Variants in CALN1 observed in about 807,000 individuals in gnomAD.
CALN1 encodes calneuron 1.
Under a neutral mutation model 30.6 loss-of-function variants are expected in CALN1, and 17 were observed. The observed-to-expected ratio is 0.56, with a 90% CI of 0.38 to 0.83. The LOEUF is 0.83. Among genes scored for constraint, CALN1 ranks in the 40% least tolerant of loss-of-function variants. CALN1 has a pLI of 0.00. For synonymous variants in CALN1, 156 were observed against 131.4 expected, an observed-to-expected ratio of 1.19 and a Z score of -1.28; for missense variants, 291 against 354.9, an observed-to-expected ratio of 0.82 and a Z score of 1.45.
At chr7:72,325,675 G>GT (rs1159581834) in intron 2 of CALN1, among the ~76,000 whole-genome samples, 1 of 152,152 alleles carries the variant, frequency 6.6e-6, no homozygotes, top group African/African-American at 2.4e-5. Context: ...CAGGAACCAA[G>GT]TCAGTTAGTT....
At chr7:71,975,853 A>AT (rs935933879) in intron 5 of CALN1, among the ~76,000 whole-genome samples, 14 of 150,824 alleles carry the variant, frequency 9.3e-5, no homozygotes, top group African/African-American at 2.9e-4. Flanking sequence ...TCCTCTTTTC[A>AT]TGATACCAGT....
At chr7:71,981,093 C>A (rs969370254) in intron 5 of CALN1, among the ~76,000 whole-genome samples, 1 of 152,192 alleles carries the variant, frequency 6.6e-6, no homozygotes, top group African/African-American at 2.4e-5. Flanking sequence ...GGGAATCATT[C>A]ACCGCAGTGC....
At chr7:72,130,470 G>A (rs1809063739) in intron 3 of CALN1, among the ~76,000 whole-genome samples, 1 of 152,164 alleles carries the variant, frequency 6.6e-6, no homozygotes, top group Admixed American at 6.5e-5. Context: ...ATAGTGGGGA[G>A]CGTAGCTGCC....
At chr7:71,931,045 A>T (rs928294098) in intron 5 of CALN1, among the ~76,000 whole-genome samples, 1 of 152,304 alleles carries the variant, frequency 6.6e-6, no homozygotes, top group East Asian at 1.9e-4. Context: ...AATCAAGGAA[A>T]CTGTGGAGGT....
chr7:71,983,170 C>T (rs1017047), intron 5 of CALN1, among the ~76,000 whole-genome samples: 12,649 of 152,160 alleles, frequency 0.083, 1,413 homozygotes, highest in East Asian at 0.33. Context: ...CCTTCTCTCT[C>T]GAGAAGAGCA....
intron 5 of CALN1, among the ~76,000 whole-genome samples, chr7:71,935,973 G>T (rs1384840829): frequency 2.0e-5 from 3 of 152,130 alleles, no homozygotes; most frequent in Non-Finnish European, 4.4e-5. Context: ...GTGTTGACCT[G>T]TCAGTGTAGT....
intron 1 of CALN1, among the ~76,000 whole-genome samples, chr7:72,427,508 G>C (rs556813377): frequency 3.3e-3 from 499 of 152,214 alleles, no homozygotes; most frequent in Non-Finnish European, 4.9e-3. Flanking sequence ...TAGGATGAAG[G>C]GGACCTGATT....
In CALN1 at chr7:71,864,588, C is replaced by T. The variant is rs149266866; in HGVS notation, c.502-54096G>A. 9.8e-5 allele frequency among the ~76,000 whole-genome samples: 15 copies of T among 152,292 alleles called. No homozygotes were observed. The East Asian group carries it at 2.9e-3, about 29-fold the overall frequency. ...TAGCTAACACCTTGACTGCAGCCTT[C>T]AAATAGCTTCCCAGGCAGAGGACCC... On this transcript the variant is annotated intron_variant, in intron 5 of 6. Transcript: ENST00000395275.
At chr7:71,795,877 G>A (rs1449884917) in intron 6 of CALN1, among the ~76,000 whole-genome samples, 1 of 142,434 alleles carries the variant, frequency 7.0e-6, no homozygotes, top group Non-Finnish European at 1.5e-5. Context: ...GGAGTGCAGC[G>A]GCACCATCTC....
At position 72,263,462 on chromosome 7, in the gene CALN1, C is replaced by T. The variant is rs188454894; in HGVS notation, c.244+15224G>A. Among the ~76,000 whole-genome samples, 4 of 152,226 alleles carry T rather than the reference C, an allele frequency of 2.6e-5. No individual in the cohort carries two copies. In the East Asian group the frequency reaches 5.8e-4, roughly 22 times the overall value. ...CCAAGCTGGAGTTCAATGACATGAT[C>T]GTGGCTCTCTGGAGCCTCAAATTCC... On this transcript the variant is annotated intron_variant, in intron 3 of 6. Coordinates refer to ENST00000395275, the MANE Select transcript of CALN1 (RefSeq NM_031468.4).
the CALN1 span, among the ~76,000 whole-genome samples, chr7:72,458,191 A>G: frequency 1.2e-5 from 1 of 82,286 alleles, no homozygotes; most frequent in Non-Finnish European, 2.5e-5. Context: ...TATTTAATAT[A>G]TTATAATATA....
intron 4 of CALN1, among the ~76,000 whole-genome samples, chr7:72,099,424 T>C (rs151039948): frequency 2.0e-5 from 3 of 152,032 alleles, no homozygotes; most frequent in African/African-American, 7.2e-5. Context: ...GATTCCCAGT[T>C]ACAGAAGCGA....
At chr7:72,477,450 C>T in the CALN1 span, among the ~76,000 whole-genome samples, 1 of 152,030 alleles carries the variant, frequency 6.6e-6, no homozygotes, top group Non-Finnish European at 1.5e-5. Flanking sequence ...GTTTTTGAGA[C>T]TCTGTCACCC....
intron 3 of CALN1, among the ~76,000 whole-genome samples, chr7:72,191,371 G>A (rs576440557): frequency 2.0e-5 from 3 of 152,088 alleles, no homozygotes; most frequent in Admixed American, 1.3e-4. Context: ...GGAGGGCGAC[G>A]CAGGTGGATC....
At position 72,282,718 on chromosome 7, in the gene CALN1, G is replaced by A. The variant is rs553395849; in HGVS notation, c.120-3908C>T. Among the ~76,000 whole-genome samples the A allele has an allele frequency of 3.9e-4, 60 of 152,260 alleles. No homozygotes were observed. In the South Asian group the frequency reaches 0.012, roughly 31 times the overall value. On this transcript the variant is annotated intron_variant, in intron 2 of 6. Transcript: ENST00000395275. ...GTTGTTTATAAATTAGCTAGTCTAA[G>A]GTATTTGTTACAGCAGTAGAAACTA...
chr7:71,990,248 C>T (rs1798878211), intron 5 of CALN1, among the ~76,000 whole-genome samples: 1 of 152,180 alleles, frequency 6.6e-6, no homozygotes. Flanking sequence ...ACGACACTCC[C>T]ACCAGCACCA....
intron 3 of CALN1, among the ~76,000 whole-genome samples, chr7:72,112,402 G>A (rs900724222): frequency 6.6e-6 from 1 of 152,174 alleles, no homozygotes; most frequent in Admixed American, 6.5e-5. Flanking sequence ...AAGAATGTGG[G>A]TCTTCATTGC....
At chr7:72,227,019 G>C (rs999537516) in intron 3 of CALN1, among the ~76,000 whole-genome samples, 20 of 152,118 alleles carry the variant, frequency 1.3e-4, no homozygotes, top group Admixed American at 3.3e-4. Flanking sequence ...CTGGGCCACA[G>C]AGCAAGACTC....
the CALN1 span, among the ~76,000 whole-genome samples, chr7:72,455,210 G>A: frequency 6.6e-6 from 1 of 151,886 alleles, no homozygotes; most frequent in Admixed American, 6.6e-5. Context: ...GCGGAGGCAG[G>A]AAGATCACTT....
Sources: allele counts gnomAD v4.1 joint callset (sites outside exome capture counted in the v4.1 genomes callset), GRCh38; gene constraint gnomAD v4.1.1; transcripts MANE v1.5; gene names NCBI Gene and HGNC (gene_info 2026-07-23, HGNC 2026-07-21).